The following MSRA variants were observed in gnomAD, a reference collection of about 807,000 sequenced individuals.
MSRA encodes the protein mitochondrial peptide methionine sulfoxide reductase.
MSRA carries 54 observed loss-of-function variants against 31.3 expected under a neutral mutation model. That is an observed-to-expected ratio of 1.73 (90% CI 1.39 to 2.17). The LOEUF is 2.17. Ranked by LOEUF, MSRA falls within the 30% of genes most tolerant of loss-of-function variation. The pLI is 0.00. For missense variants in MSRA, 507 were observed against 300.9 expected (o/e 1.69, Z -5.07); for synonymous variants, 169 against 116.5 (o/e 1.45, Z -2.90).
At chr8:10,288,049 C>T (rs766963906) in intron 3 of MSRA, among the ~76,000 whole-genome samples, 4 of 152,044 alleles carry the variant, frequency 2.6e-5, no homozygotes, top group Admixed American at 6.6e-5. Context: ...GAATGAATCC[C>T]TCCTGTGGTT....
At chr8:10,375,538 A>G (rs1378264251) in intron 5 of MSRA, among the ~76,000 whole-genome samples, 4 of 152,242 alleles carry the variant, frequency 2.6e-5, no homozygotes. Flanking sequence ...CCTTATCAAC[A>G]GCTGATCAAT....
chr8:10,116,887 A>C lies in MSRA; in HGVS notation c.142+62229A>C, dbSNP rs1189754956. Among the ~76,000 whole-genome samples, 4 of 152,096 alleles carry C rather than the reference A, an allele frequency of 2.6e-5. 1 individual carries two copies. Among genetic ancestry groups the C allele is most frequent in the Non-Finnish European group, 5.9e-5 (4 of 68,012 alleles). On this transcript the variant is annotated intron_variant, in intron 1 of 5. Coordinates refer to ENST00000317173, the MANE Select transcript of MSRA (RefSeq NM_012331.5). ...GAGGCGAGGCAGGAGAATCGCTTGA[A>C]CCTGGGAAGTGGAGGTTGCGGTGAG...
chr8:10,215,281 G>A (rs6991385), intron 2 of MSRA, among the ~76,000 whole-genome samples: 59,961 of 152,064 alleles, frequency 0.39, 12,582 homozygotes, highest in East Asian at 0.69. Flanking sequence ...CTGGAGTCCT[G>A]TAATCCTTGT....
chr8:10,074,555 A>G (rs1248409485), intron 1 of MSRA, among the ~76,000 whole-genome samples: 1 of 152,056 alleles, frequency 6.6e-6, no homozygotes, highest in Non-Finnish European at 1.5e-5. Flanking sequence ...ATTGATAGAG[A>G]TATTATGTCC....
chr8:10,412,843 A>C lies in MSRA; in HGVS notation c.544-15305A>C, dbSNP rs138943613. ...CCAAGTCCTGGGAATGACACAGAGCAATGGGAACTCTCATGCATTGCAGGG... is the reference window on the plus strand; with the variant it reads ...CCAAGTCCTGGGAATGACACAGAGCCATGGGAACTCTCATGCATTGCAGGG... On this transcript the variant is annotated intron_variant, in intron 5 of 5. Coordinates refer to ENST00000317173, the MANE Select transcript of MSRA (RefSeq NM_012331.5). Among the ~76,000 whole-genome samples, 269 of 152,340 alleles carry C rather than the reference A, an allele frequency of 1.8e-3. 5 individuals carry two copies. Among genetic ancestry groups the C allele is most frequent in the African/African-American group, 6.1e-3 (255 of 41,578 alleles).
intron 1 of MSRA, among the ~76,000 whole-genome samples, chr8:10,152,795 C>A (rs916450719): frequency 6.6e-6 from 1 of 152,130 alleles, no homozygotes; most frequent in East Asian, 1.9e-4. Flanking sequence ...AGAATGTGGT[C>A]TATCTGTGCA....
intron 1 of MSRA, among the ~76,000 whole-genome samples, chr8:10,104,065 A>C (rs774445280): frequency 1.3e-5 from 2 of 152,144 alleles, no homozygotes; most frequent in Non-Finnish European, 2.9e-5. Flanking sequence ...TCTATTGCTA[A>C]TGTGGGTATG....
intron 3 of MSRA, among the ~76,000 whole-genome samples, chr8:10,266,947 A>G (rs903669474): frequency 6.6e-6 from 1 of 152,224 alleles, no homozygotes; most frequent in Non-Finnish European, 1.5e-5. Flanking sequence ...TTCATAATAC[A>G]TTTAATGAAA....
intron 5 of MSRA, among the ~76,000 whole-genome samples, chr8:10,325,949 C>G (rs759939741): frequency 2.0e-5 from 3 of 152,306 alleles, no homozygotes; most frequent in Non-Finnish European, 4.4e-5. Flanking sequence ...GAACTCTGTA[C>G]TGTAGTCAGA....
intron 1 of MSRA, among the ~76,000 whole-genome samples, chr8:10,155,425 G>T (rs1231768314): frequency 2.0e-5 from 3 of 152,200 alleles, no homozygotes; most frequent in Non-Finnish European, 4.4e-5. Context: ...CAACTGAAGA[G>T]CCTAGAAGCT....
intron 3 of MSRA, among the ~76,000 whole-genome samples, chr8:10,276,243 G>A (rs1799315610): frequency 6.6e-6 from 1 of 152,216 alleles, no homozygotes. Flanking sequence ...GCTGTTTGGG[G>A]CTCAGTGGCC....
chr8:10,397,568 G>T (rs1221112946), intron 5 of MSRA, among the ~76,000 whole-genome samples: 1 of 152,204 alleles, frequency 6.6e-6, no homozygotes, highest in African/African-American at 2.4e-5. Flanking sequence ...GAGGGCAGGG[G>T]CCACATCTTT....
chr8:10,063,111 T>A (rs965366897), intron 1 of MSRA, among the ~76,000 whole-genome samples: 33 of 152,266 alleles, frequency 2.2e-4, no homozygotes, highest in Middle Eastern at 3.4e-3. Context: ...GCATTTTGTT[T>A]CCAAAAGATT....
At chr8:10,283,834 T>TACACACACACACACACACACACACAC (rs1481715144) in intron 3 of MSRA, among the ~76,000 whole-genome samples, 13 of 71,078 alleles carry the variant, frequency 1.8e-4, no homozygotes, top group Non-Finnish European at 2.1e-4. Flanking sequence ...TATATATATA[T>TACACACACACACACACACACACACAC]ATACACACAC....
chr8:10,227,696 G>T (rs575913705), intron 2 of MSRA, among the ~76,000 whole-genome samples: 5 of 152,192 alleles, frequency 3.3e-5, no homozygotes, highest in Admixed American at 6.5e-5. Context: ...GGAAGGGGCT[G>T]AAAAGAAAAA....
At chr8:10,197,846 G>T (rs78356051) in intron 1 of MSRA, among the ~76,000 whole-genome samples, 1 of 152,182 alleles carries the variant, frequency 6.6e-6, no homozygotes, top group South Asian at 2.1e-4. Context: ...TTGAGTGTGC[G>T]TCACTTGGGG....
intron 3 of MSRA, among the ~76,000 whole-genome samples, chr8:10,268,157 G>C (rs1444907955): frequency 1.3e-5 from 2 of 152,210 alleles, no homozygotes; most frequent in Non-Finnish European, 2.9e-5. Context: ...AGCAGTCCTG[G>C]TGTTGAAGGA....
intron 1 of MSRA, among the ~76,000 whole-genome samples, chr8:10,137,981 T>C (rs1259739479): frequency 6.6e-6 from 1 of 152,198 alleles, no homozygotes; most frequent in African/African-American, 2.4e-5. Flanking sequence ...ATTAGTACCA[T>C]GATCAAGAGC....
chr8:10,247,522 T>G (rs1797685647), intron 3 of MSRA, among the ~76,000 whole-genome samples: 1 of 152,226 alleles, frequency 6.6e-6, no homozygotes, highest in Non-Finnish European at 1.5e-5. Context: ...TCTTTTGTCT[T>G]TCTTATGTTT....
Sources: allele counts gnomAD v4.1 joint callset (sites outside exome capture counted in the v4.1 genomes callset), GRCh38; gene constraint gnomAD v4.1.1; transcripts MANE v1.5; gene names NCBI Gene and HGNC (gene_info 2026-07-23, HGNC 2026-07-21).